Variants in PTPRD observed in about 807,000 individuals in gnomAD.
PTPRD encodes the protein protein tyrosine phosphatase receptor type D, also known as receptor-type tyrosine-protein phosphatase delta.
PTPRD carries 34 observed loss-of-function variants against 214.5 expected under a neutral mutation model. That is an observed-to-expected ratio of 0.16 (90% CI 0.12 to 0.21). The LOEUF (loss-of-function observed/expected upper bound fraction) is 0.21, where lower values mean the gene tolerates loss of function less well. Ranked by LOEUF, PTPRD falls within the 10% of genes least tolerant of loss-of-function variation. PTPRD has a pLI of 1.00. For missense variants in PTPRD, 2,545 were observed against 2,398.7 expected, an observed-to-expected ratio of 1.06 and a Z score of -1.27; for synonymous variants, 1,128 against 845.7, an observed-to-expected ratio of 1.33 and a Z score of -5.79.
intron 35 of PTPRD, among the ~76,000 whole-genome samples, chr9:8,433,075 G>A (rs1431953639): frequency 6.6e-6 from 1 of 152,226 alleles, no homozygotes; most frequent in Non-Finnish European, 1.5e-5. Context: ...GATTGCTTGA[G>A]TGATGGTTTT....
intron 3 of PTPRD, among the ~76,000 whole-genome samples, chr9:10,188,998 T>C (rs775552026): frequency 2.0e-5 from 3 of 152,150 alleles, no homozygotes; most frequent in Non-Finnish European, 4.4e-5. Context: ...ATGTAGGGTA[T>C]TCCAGTTTCC....
At chr9:8,974,762 G>T (rs904017517) in intron 11 of PTPRD, among the ~76,000 whole-genome samples, 1 of 151,874 alleles carries the variant, frequency 6.6e-6, no homozygotes, top group Non-Finnish European at 1.5e-5. Context: ...GTATATAATA[G>T]TATATACCAC....
intron 3 of PTPRD, among the ~76,000 whole-genome samples, chr9:10,110,032 A>G (rs893451338): frequency 2.0e-5 from 3 of 152,018 alleles, no homozygotes; most frequent in African/African-American, 4.8e-5. Context: ...TATCTGATGC[A>G]TTGTGTGAGG....
At chr9:8,331,160 CAGAACTTAATATTGTCA>C (rs1299260921) in intron 44 of PTPRD, among the ~76,000 whole-genome samples, 1 of 148,428 alleles carries the variant, frequency 6.7e-6, no homozygotes, top group Non-Finnish European at 1.5e-5. Context: ...TATTGACTGG[CAGAACTTAATATTGTCA>C]TTAGGATTTA....
intron 15 of PTPRD, among the ~76,000 whole-genome samples, chr9:8,527,626 T>A (rs977360330): frequency 1.6e-4 from 24 of 152,102 alleles, no homozygotes; most frequent in African/African-American, 5.6e-4. Flanking sequence ...CAACTTAGAA[T>A]TCTATACCAA....
chr9:10,375,937 A>T (rs2097719462), intron 2 of PTPRD, among the ~76,000 whole-genome samples: 1 of 151,972 alleles, frequency 6.6e-6, no homozygotes, highest in African/African-American at 2.4e-5. Flanking sequence ...TTGCATATTA[A>T]CTAGCTTTCT....
intron 39 of PTPRD, among the ~76,000 whole-genome samples, chr9:8,357,662 G>A (rs1299366063): frequency 4.6e-5 from 7 of 152,094 alleles, no homozygotes; most frequent in African/African-American, 1.4e-4. Context: ...TACTAGGGAC[G>A]CTATATGGTG....
chr9:9,900,327 T>A (rs2076089821), intron 5 of PTPRD, among the ~76,000 whole-genome samples: 1 of 152,230 alleles, frequency 6.6e-6, no homozygotes, highest in Non-Finnish European at 1.5e-5. Context: ...TCTTCTTCTA[T>A]CAGATATGCT....
intron 7 of PTPRD, among the ~76,000 whole-genome samples, chr9:9,638,398 G>A (rs538932709): frequency 6.6e-6 from 1 of 152,256 alleles, no homozygotes; most frequent in East Asian, 1.9e-4. Flanking sequence ...ATTCATCAAA[G>A]TTCTTTGCCA....
chr9:10,342,163 T>C (rs1261224139), intron 2 of PTPRD, among the ~76,000 whole-genome samples: 2 of 152,028 alleles, frequency 1.3e-5, no homozygotes, highest in African/African-American at 4.8e-5. Flanking sequence ...TTCACTTTCA[T>C]TTCACTGGAA....
chr9:10,337,942 T>C (rs2096871952), intron 3 of PTPRD, among the ~76,000 whole-genome samples: 1 of 151,728 alleles, frequency 6.6e-6, no homozygotes, highest in South Asian at 2.1e-4. Flanking sequence ...AGCAATTGCA[T>C]TTTCTTAACA....
chr9:8,502,329 C>T (rs2097427797), intron 23 of PTPRD, among the ~76,000 whole-genome samples: 2 of 152,048 alleles, frequency 1.3e-5, no homozygotes. Flanking sequence ...TAAAGCAATC[C>T]TATATTTCAT....
chr9:8,349,803 T>G (rs1335262468), intron 39 of PTPRD, among the ~76,000 whole-genome samples: 1 of 152,224 alleles, frequency 6.6e-6, no homozygotes, highest in Non-Finnish European at 1.5e-5. Context: ...TGTTGGTCTC[T>G]GTTATCCCTA....
intron 5 of PTPRD, among the ~76,000 whole-genome samples, chr9:9,915,017 C>G (rs554177470): frequency 6.6e-6 from 1 of 152,190 alleles, no homozygotes; most frequent in Non-Finnish European, 1.5e-5. Flanking sequence ...ACATATGCCC[C>G]TGACCTGAAA....
intron 8 of PTPRD, among the ~76,000 whole-genome samples, chr9:9,412,639 C>A (rs1003135909): frequency 1.3e-5 from 2 of 152,100 alleles, no homozygotes; most frequent in Non-Finnish European, 2.9e-5. Context: ...AACTTTCATC[C>A]CAAATTTGTC....
At chr9:9,452,109 A>G (rs1241870329) in intron 8 of PTPRD, among the ~76,000 whole-genome samples, 1 of 151,536 alleles carries the variant, frequency 6.6e-6, no homozygotes, top group African/African-American at 2.4e-5. Flanking sequence ...TATACCTAGC[A>G]GTTTATAATA....
chr9:8,876,856 G>GTGT (rs2098396574), intron 11 of PTPRD, among the ~76,000 whole-genome samples: 1 of 152,062 alleles, frequency 6.6e-6, no homozygotes, highest in South Asian at 2.1e-4. Flanking sequence ...AAAGTAAATT[G>GTGT]TGTTTCAAAT....
At chr9:9,461,094 T>C (rs537554722) in intron 8 of PTPRD, among the ~76,000 whole-genome samples, 7 of 152,084 alleles carry the variant, frequency 4.6e-5, no homozygotes, top group African/African-American at 1.4e-4. Flanking sequence ...CTATATATTC[T>C]CACTTATAAG....
intron 7 of PTPRD, among the ~76,000 whole-genome samples, chr9:9,582,387 T>A (rs964080157): frequency 5.3e-5 from 8 of 152,022 alleles, no homozygotes; most frequent in African/African-American, 1.9e-4. Context: ...TCATATATCA[T>A]AAGAGGCCAC....
Sources: allele counts gnomAD v4.1 joint callset (sites outside exome capture counted in the v4.1 genomes callset), GRCh38; gene constraint gnomAD v4.1.1; transcripts MANE v1.5; gene names NCBI Gene and HGNC (gene_info 2026-07-23, HGNC 2026-07-21).